PHLDB2: variants seen among roughly 807,000 people sequenced by gnomAD.
PHLDB2 encodes pleckstrin homology like domain family B member 2, also known as pleckstrin homology-like domain family B member 2.
A neutral mutation model predicts 123.6 loss-of-function variants in PHLDB2; 71 were observed. That is an observed-to-expected ratio of 0.57 (90% confidence interval 0.47 to 0.70). The LOEUF (loss-of-function observed/expected upper bound fraction) is 0.70. PHLDB2 is among the 30% of genes least tolerant of loss of function. The pLI, the probability that PHLDB2 is intolerant of heterozygous loss-of-function variation, is 0.00. For missense variants in PHLDB2, 1,446 were observed against 1,519.5 expected (o/e 0.95, Z 0.80); for synonymous variants, 547 against 541.6 (o/e 1.01, Z -0.14).
rs1407469723 is a variant in PHLDB2 at position 111,859,496 on chromosome 3, C to CG, written c.-90dup. The stretch of plus-strand genomic sequence containing the variant: ...CCATTGCGGCCCGAGGGGGACCCGA[C>CG]GGGGGCCCGACGGTGTGGCGTGGCG... On this transcript the variant is annotated 5_prime_UTR_variant, in exon 1 of 18. Transcript: ENST00000431670. 8.1e-6 allele frequency: 8 copies of CG among 985,606 alleles called. No homozygotes were observed. The Admixed American group carries it at 4.3e-4, about 53-fold the overall frequency. The allele number at this position is 985,606 out of a possible 1,614,324, so 61.1% of individuals were successfully genotyped here.
intron 1 of PHLDB2, among the ~76,000 whole-genome samples, chr3:111,805,761 G>T (rs1170847180): frequency 6.8e-6 from 1 of 147,836 alleles, no homozygotes; most frequent in Non-Finnish European, 1.5e-5. Context: ...GTGAGTGGGA[G>T]TGTTGACTGG....
At chr3:111,830,195 C>T (rs757415244) in intron 1 of PHLDB2, among the ~76,000 whole-genome samples, 3 of 152,232 alleles carry the variant, frequency 2.0e-5, no homozygotes, top group South Asian at 2.1e-4. Context: ...CCTCCTACTT[C>T]GAGGCCTCTA....
At chr3:111,866,014 A>ATTTTTTTTTTTTTTTTTTGTTTTTTT (rs2065054795) in intron 1 of PHLDB2, among the ~76,000 whole-genome samples, 1 of 57,430 alleles carries the variant, frequency 1.7e-5, no homozygotes, top group Non-Finnish European at 3.0e-5. Context: ...CCACCCACTC[A>ATTTTTTTTTTTTTTTTTTGTTTTTTT]TTTTTTTTTT....
chr3:111,735,251 C>T (rs1256883958), intron 1 of PHLDB2, among the ~76,000 whole-genome samples: 1 of 152,198 alleles, frequency 6.6e-6, no homozygotes, highest in Non-Finnish European at 1.5e-5. Context: ...CATCAACAGT[C>T]CCTCCTGTCA....
chr3:111,921,741 T>C (rs2068517171), intron 5 of PHLDB2, among the ~76,000 whole-genome samples: 1 of 151,922 alleles, frequency 6.6e-6, no homozygotes, highest in African/African-American at 2.4e-5. Flanking sequence ...TAGCTGGGAC[T>C]ACAGGCACCC....
Position 111,884,900 on chromosome 3 carries a change from A to G in PHLDB2, c.823A>G (p.Arg275Gly). Residue 275 changes from arginine (R) to glycine (G), a missense_variant, in exon 2 of 18, where the codon AGA becomes GGA. Coordinates refer to ENST00000431670, the MANE Select transcript of PHLDB2 (RefSeq NM_001134438.2). ...NQLTPLSLPP[R>G]NSLGNSKRTK... The stretch of plus-strand genomic sequence containing the variant: ...GCTGACACCTCTCAGCTTGCCTCCA[A>G]GAAACTCTCTGGGCAATTCCAAACG... 6.2e-7 allele frequency: 1 copy of G among 1,614,182 alleles called. No individual in the cohort carries two copies. Among genetic ancestry groups the G allele is most frequent in the African/African-American group, 1.3e-5 (1 of 75,040 alleles).
rs1272942941 is a variant in PHLDB2, at chr3:111,954,040, T to G, written c.2872+11T>G. The stretch of plus-strand genomic sequence containing the variant: ...GGAGGATGCTCAGAGGTACGTACCT[T>G]TTAAATCAAGTGTCATGGCCTTTTG... On this transcript the variant is annotated intron_variant, in intron 12 of 17. Coordinates refer to ENST00000431670, the MANE Select transcript of PHLDB2 (RefSeq NM_001134438.2). 3 of 1,608,208 alleles carry G rather than the reference T, an allele frequency of 1.9e-6. No individual in the cohort carries two copies. Among genetic ancestry groups the G allele is most frequent in the Non-Finnish European group, 2.6e-6 (3 of 1,175,198 alleles).
intron 1 of PHLDB2, among the ~76,000 whole-genome samples, chr3:111,758,344 A>C (rs1393591838): frequency 1.3e-5 from 2 of 152,122 alleles, no homozygotes; most frequent in South Asian, 4.1e-4. Context: ...GCCACCTTGC[A>C]GTTTGATCTC....
At chr3:111,756,607 G>A (rs1317791179) in intron 1 of PHLDB2, among the ~76,000 whole-genome samples, 4 of 152,004 alleles carry the variant, frequency 2.6e-5, no homozygotes, top group African/African-American at 9.7e-5. Context: ...TATCCAATTT[G>A]CCAGTCTGTG....
chr3:111,882,352 GT>G (rs1363213828), intron 1 of PHLDB2, among the ~76,000 whole-genome samples: 1 of 152,140 alleles, frequency 6.6e-6, no homozygotes, highest in Non-Finnish European at 1.5e-5. Context: ...CTCAGTTTCA[GT>G]CCTCTAAGCG....
chr3:111,857,482 A>G (rs1174602179), upstream of PHLDB2, among the ~76,000 whole-genome samples: 1 of 151,728 alleles, frequency 6.6e-6, no homozygotes, highest in Non-Finnish European at 1.5e-5. Context: ...AAAGAAAAAA[A>G]AATTCCAAGG....
At chr3:111,909,410 AC>A (rs973210947) in intron 2 of PHLDB2, among the ~76,000 whole-genome samples, 5 of 152,128 alleles carry the variant, frequency 3.3e-5, no homozygotes, top group African/African-American at 9.7e-5. Context: ...AGCCTGTGCA[AC>A]ATAGCAAGAT....
chr3:111,767,558 A>C (rs9868171), intron 1 of PHLDB2, among the ~76,000 whole-genome samples: 56,494 of 151,934 alleles, frequency 0.37, 12,878 homozygotes, highest in South Asian at 0.54. Flanking sequence ...AGCACACACA[A>C]AAAATGTATT....
chr3:111,835,459 C>G (rs898291414), intron 1 of PHLDB2, among the ~76,000 whole-genome samples: 2 of 152,152 alleles, frequency 1.3e-5, no homozygotes, highest in Non-Finnish European at 2.9e-5. Context: ...AGCAGCAGCT[C>G]CTTCCAGGTA....
At chr3:111,744,064 G>T (rs1247656744) in intron 1 of PHLDB2, among the ~76,000 whole-genome samples, 1 of 152,116 alleles carries the variant, frequency 6.6e-6, no homozygotes, top group Non-Finnish European at 1.5e-5. Context: ...CAGACGAAAG[G>T]TTACTGTTCC....
intron 1 of PHLDB2, among the ~76,000 whole-genome samples, chr3:111,746,868 A>G (rs2059689383): frequency 6.6e-6 from 1 of 152,210 alleles, no homozygotes; most frequent in South Asian, 2.1e-4. Context: ...TATTTCAGAG[A>G]GGAGAAAAAA....
chr3:111,894,693 G>A (rs919175518), intron 2 of PHLDB2, among the ~76,000 whole-genome samples: 2 of 150,830 alleles, frequency 1.3e-5, no homozygotes. Context: ...TATGTTTGTT[G>A]GCTGCATGAA....
At chr3:111,955,211 TAG>T (rs1277169386) in intron 12 of PHLDB2, among the ~76,000 whole-genome samples, 1 of 150,538 alleles carries the variant, frequency 6.6e-6, no homozygotes, top group Non-Finnish European at 1.5e-5. Flanking sequence ...ATTTAAAAAT[TAG>T]AGGGTATAGT....
chr3:111,815,453 G>A (rs766370356), intron 1 of PHLDB2, among the ~76,000 whole-genome samples: 34 of 152,182 alleles, frequency 2.2e-4, no homozygotes, highest in Admixed American at 4.6e-4. Context: ...TCCAGGCTGA[G>A]GTGGTCTCAG....
Sources: gnomAD v4.1 joint callset for allele counts (sites outside exome capture counted in the v4.1 genomes callset) on GRCh38, gnomAD v4.1.1 for gene constraint, MANE v1.5 for transcripts, NCBI Gene and HGNC (gene_info 2026-07-23, HGNC 2026-07-21) for gene names.